Variants in SLC44A1 observed in about 807,000 individuals in gnomAD.
SLC44A1 encodes choline transporter-like protein 1.
In SLC44A1, 26 loss-of-function variants were observed where a neutral mutation model predicts 79.3. That is an observed-to-expected ratio of 0.33 (90% CI 0.24 to 0.46). SLC44A1 has a LOEUF of 0.46. SLC44A1 is among the 20% of genes least tolerant of loss of function. SLC44A1 has a pLI of 1.00. For synonymous variants in SLC44A1, 263 were observed against 286.2 expected (o/e 0.92, Z 0.82); for missense variants, 688 against 798.1 (o/e 0.86, Z 1.66).
intron 15 of SLC44A1, among the ~76,000 whole-genome samples, chr9:105,432,071 G>A (rs887218518): frequency 3.3e-5 from 5 of 152,104 alleles, no homozygotes; most frequent in African/African-American, 4.8e-5. Context: ...ACAGGCATGC[G>A]CCAGCACTCC....
At chr9:105,312,040 A>G (rs1440355133) in intron 3 of SLC44A1, among the ~76,000 whole-genome samples, 1 of 152,114 alleles carries the variant, frequency 6.6e-6, no homozygotes, top group African/African-American at 2.4e-5. Context: ...TTTGTCTGCT[A>G]ATACTTCAGC....
chr9:105,409,025 TAAGAG>T (rs1031058033), intron 15 of SLC44A1, among the ~76,000 whole-genome samples: 4 of 152,066 alleles, frequency 2.6e-5, no homozygotes, highest in African/African-American at 7.2e-5. Flanking sequence ...CAATTAAACA[TAAGAG>T]AAGACACAGA....
Position 105,392,846 on chromosome 9 carries a change from T to C in SLC44A1, c.*3790T>C, listed in dbSNP as rs778220843. The C allele has an allele frequency of 1.5e-4, 149 of 985,318 alleles. No homozygotes were observed. Among genetic ancestry groups the C allele is most frequent in the Non-Finnish European group, 1.8e-4 (147 of 829,930 alleles). 61.0% of individuals were successfully genotyped at this position (985,318 alleles called of 1,614,324 possible). On this transcript the variant is annotated 3_prime_UTR_variant, in exon 16 of 16. Coordinates refer to ENST00000374720, the MANE Select transcript of SLC44A1 (RefSeq NM_080546.5). ...TTGGTCAGTAACCTTGTCATTTAAA[T>C]TGGACTTTCCAATAGCCTTAACATG...
At chr9:105,386,358 A>G (rs1828625928) in intron 15 of SLC44A1, 4 of 946,884 alleles carry the variant, frequency 4.2e-6, no homozygotes, top group Admixed American at 6.2e-5. Flanking sequence ...CAAATATTAT[A>G]TAATTGTCTG....
At chr9:105,329,027 GC>G (rs1826668848) in intron 3 of SLC44A1, among the ~76,000 whole-genome samples, 1 of 152,088 alleles carries the variant, frequency 6.6e-6, no homozygotes, top group African/African-American at 2.4e-5. Flanking sequence ...CCCAACACCA[GC>G]CCCTCTGGAA....
At position 105,393,469 on chromosome 9, in the gene SLC44A1, AT is replaced by A; in HGVS notation, c.*4416del. 1 of 975,372 alleles carries A rather than the reference AT, an allele frequency of 1.0e-6. No homozygotes were observed. Among genetic ancestry groups the A allele is most frequent in the Non-Finnish European group, 1.2e-6 (1 of 820,734 alleles). 60.4% of individuals were successfully genotyped at this position (975,372 alleles called of 1,614,324 possible). On this transcript the variant is annotated 3_prime_UTR_variant, in exon 16 of 16. Coordinates refer to ENST00000374720, the MANE Select transcript of SLC44A1 (RefSeq NM_080546.5). The stretch of plus-strand genomic sequence containing the variant: ...CACTTTTTCCATTCAGATTTCATAC[AT>A]TTGAGCCAAATTCTTATACTCCATG...
intron 12 of SLC44A1, 121 bp from the exon 13 acceptor site, chr9:105,374,477 A>G: frequency 1.2e-6 from 1 of 847,634 alleles, no homozygotes. Flanking sequence ...GTACCTCATT[A>G]AAGGGTGCCA....
In SLC44A1 at chr9:105,287,466, T is replaced by G. The variant is rs985705473; in HGVS notation, c.37-11754T>G. 4.6e-5 allele frequency among the ~76,000 whole-genome samples: 7 copies of G among 152,222 alleles called. 1 individual carries two copies. ...TTTCAGTTTTCAAACACACATTTTA[T>G]AATATGTACAGTATGGGAACAACTT... is the stretch of plus-strand genomic sequence containing the variant. On this transcript the variant is annotated intron_variant, in intron 1 of 15. Coordinates refer to ENST00000374720, the MANE Select transcript of SLC44A1 (RefSeq NM_080546.5).
intron 4 of SLC44A1, among the ~76,000 whole-genome samples, chr9:105,345,821 C>T (rs191090697): frequency 6.6e-6 from 1 of 152,142 alleles, no homozygotes; most frequent in African/African-American, 2.4e-5. Context: ...TGAGTAACAT[C>T]GGCTGAGTTG....
intron 1 of SLC44A1, among the ~76,000 whole-genome samples, chr9:105,272,948 G>T (rs1286637589): frequency 1.3e-5 from 2 of 149,826 alleles, no homozygotes; most frequent in African/African-American, 5.0e-5. Context: ...ATTTCAGTAC[G>T]TTTAATTTTC....
chr9:105,297,447 G>A (rs1186979746), intron 1 of SLC44A1, among the ~76,000 whole-genome samples: 1 of 152,084 alleles, frequency 6.6e-6, no homozygotes, highest in Non-Finnish European at 1.5e-5. Context: ...GCAATGGCGC[G>A]ATTTTGGCTT....
rs1052378037 is a variant in SLC44A1 at position 105,392,833 on chromosome 9, C to G, written c.*3777C>G. ...TTTTATTTGATTTTTGGTCAGTAAC[C>G]TTGTCATTTAAATTGGACTTTCCAA... On this transcript the variant is annotated 3_prime_UTR_variant, in exon 16 of 16. Coordinates refer to ENST00000374720, the MANE Select transcript of SLC44A1 (RefSeq NM_080546.5). 2.4e-5 allele frequency: 24 copies of G among 985,208 alleles called. No homozygotes were observed. The highest frequency in any genetic ancestry group is 1.8e-4 in the Admixed American group (3 of 16,252). The allele number at this position is 985,208 out of a possible 1,614,324, so 61.0% of individuals were successfully genotyped here.
At chr9:105,354,535 T>A (rs1341582626) in intron 5 of SLC44A1, among the ~76,000 whole-genome samples, 1 of 152,212 alleles carries the variant, frequency 6.6e-6, no homozygotes, top group Non-Finnish European at 1.5e-5. Context: ...TGATACAATA[T>A]CAAACCTTTG....
Position 105,348,250 on chromosome 9 carries a change from C to G in SLC44A1, c.407-108C>G, listed in dbSNP as rs191555634. 1.8e-5 allele frequency: 11 copies of G among 614,302 alleles called. No homozygotes were observed. In the Admixed American group the frequency reaches 2.5e-4, roughly 14 times the overall value. The allele number at this position is 614,302 out of a possible 1,614,324, so 38.1% of individuals were successfully genotyped here. A position where few individuals can be genotyped will look rare whatever the true frequency, so the allele number is the denominator to read the frequency against. The stretch of plus-strand genomic sequence containing the variant: ...GGATCAAATCAGATTTTTATGAATT[C>G]TATAATGTTTGGAAAGTTGCATATG... On this transcript the variant is annotated intron_variant, in intron 4 of 15. Coordinates refer to ENST00000374720, the MANE Select transcript of SLC44A1 (RefSeq NM_080546.5).
chr9:105,397,382 C>A (rs1828896660), downstream of SLC44A1: 5 of 981,292 alleles, frequency 5.1e-6, no homozygotes, highest in Non-Finnish European at 6.1e-6. Context: ...CTTCCCCATG[C>A]CCAGGGTGGT....
At chr9:105,284,139 G>C (rs559238168) in intron 1 of SLC44A1, among the ~76,000 whole-genome samples, 1 of 151,958 alleles carries the variant, frequency 6.6e-6, no homozygotes, top group South Asian at 2.1e-4. Flanking sequence ...AACTACCCAG[G>C]TACAAATCCT....
chr9:105,287,621 T>G (rs1030649816), intron 1 of SLC44A1, among the ~76,000 whole-genome samples: 7 of 152,184 alleles, frequency 4.6e-5, no homozygotes, highest in African/African-American at 1.7e-4. Flanking sequence ...TTAAAATCAT[T>G]TATCCTGAAA....
intron 1 of SLC44A1, among the ~76,000 whole-genome samples, chr9:105,272,426 T>C (rs190021202): frequency 8.8e-4 from 134 of 152,274 alleles, no homozygotes; most frequent in African/African-American, 2.9e-3. Flanking sequence ...TAATCTTCAA[T>C]GCAGTGCTAT....
intron 3 of SLC44A1, among the ~76,000 whole-genome samples, chr9:105,322,999 G>T (rs1475696407): frequency 6.6e-6 from 1 of 151,242 alleles, no homozygotes; most frequent in Non-Finnish European, 1.5e-5. Context: ...AAGGCGGGCG[G>T]GTTACTTGAG....
Sources: gnomAD v4.1 joint callset for allele counts (sites outside exome capture counted in the v4.1 genomes callset) on GRCh38, gnomAD v4.1.1 for gene constraint, MANE v1.5 for transcripts, NCBI Gene and HGNC (gene_info 2026-07-23, HGNC 2026-07-21) for gene names.